The following INTS15 variants were observed in gnomAD, a reference collection of about 807,000 sequenced individuals.
The protein encoded by INTS15 is integrator complex subunit 15, also known as uncharacterized protein C7orf26.
At chr7:6,603,728 A>C in the INTS15 span, among the ~76,000 whole-genome samples, 268 of 152,310 alleles carry the variant, frequency 1.8e-3, 3 homozygotes, top group Non-Finnish European at 1.2e-3. Context: ...AATCCCAGCT[A>C]CTTGGGAGGC....
chr7:6,593,873 A>G, the INTS15 span, among the ~76,000 whole-genome samples: 1 of 149,168 alleles, frequency 6.7e-6, no homozygotes, highest in Non-Finnish European at 1.5e-5. Context: ...CTCATCTGGA[A>G]CTGCTGGGCT....
At chr7:6,596,376 CTTT>C in the INTS15 span, among the ~76,000 whole-genome samples, 5 of 107,906 alleles carry the variant, frequency 4.6e-5, no homozygotes, top group Non-Finnish European at 5.6e-5. Flanking sequence ...ATCTGTCACC[CTTT>C]TTTTTTTTTT....
At chr7:6,597,003 C>T in the INTS15 span, among the ~76,000 whole-genome samples, 19 of 151,974 alleles carry the variant, frequency 1.3e-4, no homozygotes, top group African/African-American at 4.3e-4. Context: ...TGGTCTCGAT[C>T]ACCTGACCTC....
the INTS15 span, chr7:6,602,201 G>T: frequency 7.0e-7 from 1 of 1,431,820 alleles, no homozygotes; most frequent in South Asian, 1.2e-5. Flanking sequence ...AGGGAGGCAA[G>T]ACAGGGCGAG....
chr7:6,599,717 G>A, the INTS15 span: 1 of 1,034,306 alleles, frequency 9.7e-7, no homozygotes, highest in Admixed American at 2.2e-5. Flanking sequence ...GCGTGATCCA[G>A]ACCATCAGGT....
the INTS15 span, among the ~76,000 whole-genome samples, chr7:6,593,096 G>A: frequency 1.3e-5 from 2 of 152,236 alleles, no homozygotes; most frequent in East Asian, 1.9e-4. Context: ...AGGCAGAAAT[G>A]ATGTTTCCTA....
chr7:6,594,299 C>G, the INTS15 span: 7 of 860,206 alleles, frequency 8.1e-6, no homozygotes, highest in Non-Finnish European at 1.3e-5. Context: ...AGCCACCACA[C>G]TCGGCCCCAT....
the INTS15 span, chr7:6,594,662 C>T: frequency 1.3e-6 from 2 of 1,497,252 alleles, no homozygotes; most frequent in South Asian, 1.2e-5. Context: ...TTTTATTTTC[C>T]ACTGAATACC....
chr7:6,599,347 C>A, the INTS15 span, among the ~76,000 whole-genome samples: 8 of 151,926 alleles, frequency 5.3e-5, no homozygotes, highest in Admixed American at 5.2e-4. Flanking sequence ...GGGGTTGGGA[C>A]GGCCCTTGGC....
chr7:6,591,630 G>T, the INTS15 span: 4 of 1,608,742 alleles, frequency 2.5e-6, no homozygotes, highest in Non-Finnish European at 3.4e-6. Flanking sequence ...ACGCTTTTCC[G>T]GGATTTCTTT....
the INTS15 span, among the ~76,000 whole-genome samples, chr7:6,600,830 G>A: frequency 2.0e-5 from 3 of 151,972 alleles, no homozygotes; most frequent in Non-Finnish European, 4.4e-5. Context: ...GCTAATTTTT[G>A]TATTTTTAGT....
the INTS15 span, among the ~76,000 whole-genome samples, chr7:6,604,721 C>T: frequency 9.2e-5 from 14 of 152,296 alleles, no homozygotes; most frequent in East Asian, 7.7e-4. Flanking sequence ...AGGGTTCAGC[C>T]GGATGCTGGT....
At chr7:6,590,472 C>T in the INTS15 span, 3,032 of 1,585,442 alleles carry the variant, frequency 1.9e-3, 56 homozygotes, top group African/African-American at 0.036. Flanking sequence ...GCGCGCAGCC[C>T]AAGGTGCGGC....
the INTS15 span, chr7:6,608,072 G>GCCCCCC: frequency 2.3e-5 from 36 of 1,580,424 alleles, no homozygotes; most frequent in Non-Finnish European, 2.9e-5. Context: ...GGCTGTCCCG[G>GCCCCCC]CCCACCCCGC....
the INTS15 span, among the ~76,000 whole-genome samples, chr7:6,598,420 G>A: frequency 1.4e-5 from 2 of 142,208 alleles, no homozygotes; most frequent in Non-Finnish European, 3.0e-5. Context: ...AGTGAGCTGA[G>A]ATCACGCCAC....
the INTS15 span, among the ~76,000 whole-genome samples, chr7:6,603,242 T>G: frequency 6.6e-6 from 1 of 150,908 alleles, no homozygotes; most frequent in African/African-American, 2.4e-5. Context: ...AGAGTGAAAC[T>G]CTGTCAAAAA....
chr7:6,606,900 G>C, the INTS15 span, among the ~76,000 whole-genome samples: 2 of 152,068 alleles, frequency 1.3e-5, no homozygotes, highest in South Asian at 4.2e-4. Flanking sequence ...GTGGAGATAG[G>C]GTCTCACTGT....
At chr7:6,608,657 A>G in the INTS15 span, 4 of 376,000 alleles carry the variant, frequency 1.1e-5, no homozygotes, top group Non-Finnish European at 1.5e-5. Context: ...CTCGGAAAGG[A>G]ACTTCTCAGT....
the INTS15 span, among the ~76,000 whole-genome samples, chr7:6,602,500 G>C: frequency 6.6e-6 from 1 of 152,208 alleles, no homozygotes; most frequent in South Asian, 2.1e-4. Flanking sequence ...CTGTACGTTT[G>C]TTAGGCTAGC....
Sources: gnomAD v4.1 joint callset for allele counts (sites outside exome capture counted in the v4.1 genomes callset) on GRCh38, gnomAD v4.1.1 for gene constraint, MANE v1.5 for transcripts, NCBI Gene and HGNC (gene_info 2026-07-23, HGNC 2026-07-21) for gene names.